Variants in STOM observed in about 807,000 individuals in gnomAD.
The protein encoded by STOM is stomatin.
STOM carries 25 observed loss-of-function variants against 30.6 expected under a neutral mutation model. The ratio of observed to expected loss-of-function variants is 0.82; its 90% CI spans 0.60 to 1.14. STOM has a LOEUF of 1.14. Among genes scored for constraint, STOM ranks in the 50% most tolerant of loss-of-function variants. The pLI, the probability that STOM is intolerant of heterozygous loss-of-function variation, is 0.00. For missense variants in STOM, 292 were observed against 365.2 expected, an observed-to-expected ratio of 0.80 and a Z score of 1.63; for synonymous variants, 118 against 130.8, an observed-to-expected ratio of 0.90 and a Z score of 0.67.
rs528811426 is a variant in STOM, at chr9:121,340,247, T to C, written c.*955A>G. 2.0e-6 allele frequency: 2 copies of C among 985,390 alleles called. No individual in the cohort carries two copies. The highest frequency in any genetic ancestry group is 3.5e-5 in the African/African-American group (2 of 57,372). 61.0% of individuals were successfully genotyped at this position (985,390 alleles called of 1,614,324 possible). On this transcript the variant is annotated 3_prime_UTR_variant, in exon 7 of 7. Coordinates refer to ENST00000286713, the MANE Select transcript of STOM (RefSeq NM_004099.6). ...AGGCTCAAATAAGTTAAAACATGGA[T>C]GTATTTTTAAAATGACCACTCTAGT...
At chr9:121,342,175 G>A (rs1023732902) in intron 6 of STOM, among the ~76,000 whole-genome samples, 55 of 152,112 alleles carry the variant, frequency 3.6e-4, no homozygotes, top group African/African-American at 1.3e-3. Flanking sequence ...TTCGAGACCA[G>A]CCTGGCCAAC....
At chr9:121,345,971 T>C (rs1179447971) in intron 6 of STOM, among the ~76,000 whole-genome samples, 11 of 151,874 alleles carry the variant, frequency 7.2e-5, no homozygotes, top group African/African-American at 2.2e-4. Context: ...TTTTTAAGTT[T>C]TTATTATTAT....
At chr9:121,352,752 C>T (rs1003782560) in intron 4 of STOM, among the ~76,000 whole-genome samples, 6 of 152,142 alleles carry the variant, frequency 3.9e-5, no homozygotes. Context: ...AGTTAAAGAA[C>T]TTGCTTAAGG....
At chr9:121,353,030 T>C (rs532721039) in intron 4 of STOM, among the ~76,000 whole-genome samples, 190 bp downstream of exon 4, 84 of 152,098 alleles carry the variant, frequency 5.5e-4, no homozygotes, top group African/African-American at 2.0e-3. Flanking sequence ...GCGGCGGAGG[T>C]TGCAGTGAGC....
rs181510823 is a variant in STOM at position 121,339,658 on chromosome 9, G to A, written c.*1544C>T. The A allele has an allele frequency of 2.2e-5, 27 of 1,231,520 alleles. No individual in the cohort carries two copies. Among genetic ancestry groups the A allele is most frequent in the Admixed American group, 8.4e-5 (2 of 23,698 alleles). 76.3% of individuals were successfully genotyped at this position (1,231,520 alleles called of 1,614,324 possible). ...AGAGGAAATGTTACAAATGTCACCC[G>A]CCAGCTTTCTGGCCAGTAAGCAGAA... is the stretch of plus-strand genomic sequence containing the variant. On this transcript the variant is annotated 3_prime_UTR_variant, in exon 7 of 7. Coordinates refer to ENST00000286713, the MANE Select transcript of STOM (RefSeq NM_004099.6).
Position 121,353,280 on chromosome 9 carries a change from G to C in STOM, c.261C>G (p.Cys87Trp), listed in dbSNP as rs769706073. 1 of 1,610,896 alleles carries C rather than the reference G, an allele frequency of 6.2e-7. No individual in the cohort carries two copies. Among genetic ancestry groups the C allele is most frequent in the Non-Finnish European group, 8.5e-7 (1 of 1,178,534 alleles). The change falls in exon 4 of 7, where the codon TGC becomes TGG. Residue 87 changes from cysteine to tryptophan, a missense_variant. Coordinates refer to ENST00000286713, the MANE Select transcript of STOM (RefSeq NM_004099.6). ...KGPGLFFILPCTDSFIKVDMR... is the reference protein window; with the variant it reads ...KGPGLFFILPWTDSFIKVDMR... ...TGTCCACTTTGATGAAGCTGTCAGT[G>C]CATGGCAGAATAAAAAACAAACCTG...
In STOM at chr9:121,341,013, C is replaced by G; in HGVS notation, c.*189G>C. The G allele has an allele frequency of 7.0e-7, 1 of 1,430,926 alleles. No individual in the cohort carries two copies. 88.6% of individuals were successfully genotyped at this position (1,430,926 alleles called of 1,614,324 possible). A position where few individuals can be genotyped will look rare whatever the true frequency, so the allele number is the denominator to read the frequency against. On this transcript the variant is annotated 3_prime_UTR_variant, in exon 7 of 7. Transcript: ENST00000286713. ...AACTATTTTAAGACTAACAGATTAC[C>G]TTATATAAATCACCAATCTCTCAGT...
chr9:121,351,997 G>A (rs1014602896), intron 4 of STOM, among the ~76,000 whole-genome samples: 7 of 152,144 alleles, frequency 4.6e-5, no homozygotes, highest in Non-Finnish European at 1.0e-4. Context: ...GAAGAGAAAT[G>A]TGGTAGTAAA....
rs746620260 is a variant in STOM at position 121,356,063 on chromosome 9, A to G, written c.155T>C (p.Met52Thr). ...TVITFPISIW[M>T]CIKIIKEYER... ...TGAAATGTTCTTTACCTTTATGCAC[A>G]TCCATATTGAGATTGGGAAAGTTAT... The change falls in exon 2 of 7, where the codon ATG becomes ACG. Residue 52 changes from methionine (M) to threonine (T), a missense_variant. Coordinates refer to ENST00000286713, the MANE Select transcript of STOM (RefSeq NM_004099.6). The G allele has an allele frequency of 5.6e-6, 9 of 1,613,812 alleles. No homozygotes were observed. In the African/African-American group the frequency reaches 1.2e-4, roughly 22 times the overall value.
At chr9:121,353,165 C>T (rs552773436) in intron 4 of STOM, 55 bp downstream of exon 4, 1 of 1,003,152 alleles carries the variant, frequency 1.0e-6, no homozygotes, top group Non-Finnish European at 1.5e-6. Flanking sequence ...TATTCTGTCC[C>T]TCATTGTAAA....
In STOM at chr9:121,348,144, A is replaced by G. The variant is rs1242284105; in HGVS notation, c.531T>C (p.Thr177=). 1 of 1,614,024 alleles carries G rather than the reference A, an allele frequency of 6.2e-7. No individual in the cohort carries two copies. Among genetic ancestry groups the G allele is most frequent in the Non-Finnish European group, 8.5e-7 (1 of 1,180,012 alleles). ...CCCAGGCATCAGTGGCATCATCCAG[A>G]GTAGACTGTTAGGAAGAGAGAAGGC... The part of the protein sequence containing the change: ...REEIAHNMQS[T]LDDATDAWGI... The change falls in exon 6 of 7, where the codon ACT becomes ACC. Residue 177 remains threonine, a synonymous_variant. Coordinates refer to ENST00000286713, the MANE Select transcript of STOM (RefSeq NM_004099.6).
At chr9:121,348,665 C>T (rs1305821863) in intron 5 of STOM, among the ~76,000 whole-genome samples, 1 of 152,100 alleles carries the variant, frequency 6.6e-6, no homozygotes, top group Non-Finnish European at 1.5e-5. Flanking sequence ...TAGATTTTAC[C>T]CACGATGAAG....
intron 1 of STOM, among the ~76,000 whole-genome samples, chr9:121,359,281 G>C (rs910902389): frequency 6.6e-6 from 1 of 152,156 alleles, no homozygotes; most frequent in Admixed American, 6.6e-5. Flanking sequence ...TTGGCACCCA[G>C]GTCAAGTGCT....
intron 2 of STOM, 113 bp from the exon 3 acceptor site, chr9:121,354,786 T>C: frequency 1.4e-6 from 1 of 691,584 alleles, no homozygotes; most frequent in Non-Finnish European, 2.3e-6. Flanking sequence ...ATCTTTTTTC[T>C]TTAGAACCAG....
intron 2 of STOM, among the ~76,000 whole-genome samples, chr9:121,355,250 AT>A (rs372226974): frequency 0.025 from 3,252 of 131,250 alleles, 197 homozygotes; most frequent in East Asian, 0.096. Flanking sequence ...AAAAAAAAAA[AT>A]AATAATAATA....
At chr9:121,365,914 A>G (rs1026602864) in intron 1 of STOM, among the ~76,000 whole-genome samples, 1 of 152,194 alleles carries the variant, frequency 6.6e-6, no homozygotes, top group Non-Finnish European at 1.5e-5. Flanking sequence ...TCTGGGCACT[A>G]TGGAGAAAAT....
intron 5 of STOM, 111 bp downstream of exon 5, chr9:121,349,009 A>G: frequency 7.9e-7 from 1 of 1,272,264 alleles, no homozygotes; most frequent in East Asian, 2.5e-5. Flanking sequence ...AAGAAAAAAA[A>G]ACGGTCACAG....
chr9:121,356,842 G>T (rs975692114), intron 1 of STOM, among the ~76,000 whole-genome samples: 1 of 152,140 alleles, frequency 6.6e-6, no homozygotes, highest in African/African-American at 2.4e-5. Flanking sequence ...AATTAGCTAG[G>T]CGTTGTGGTG....
At position 121,340,979 on chromosome 9, in the gene STOM, C is replaced by T. The variant is rs1589284452; in HGVS notation, c.*223G>A. ...CCTACTACATAATAATCTAAAAATACAAACTTTTAACTATTTTAAGACTAA... is the reference window on the plus strand; with the variant it reads ...CCTACTACATAATAATCTAAAAATATAAACTTTTAACTATTTTAAGACTAA... On this transcript the variant is annotated 3_prime_UTR_variant, in exon 7 of 7. Transcript: ENST00000286713. The T allele has an allele frequency of 7.2e-7, 1 of 1,386,420 alleles. No individual in the cohort carries two copies. The highest frequency in any genetic ancestry group is 9.3e-7 in the Non-Finnish European group (1 of 1,071,274). 85.9% of individuals were successfully genotyped at this position (1,386,420 alleles called of 1,614,324 possible).
Sources: gnomAD v4.1 joint callset for allele counts (sites outside exome capture counted in the v4.1 genomes callset) on GRCh38, gnomAD v4.1.1 for gene constraint, MANE v1.5 for transcripts, NCBI Gene and HGNC (gene_info 2026-07-23, HGNC 2026-07-21) for gene names.